Variants in PGM5 observed in about 807,000 individuals in gnomAD.
The protein encoded by PGM5 is phosphoglucomutase 5.
In PGM5, 23 loss-of-function variants were observed where a neutral mutation model predicts 59.2. The observed-to-expected ratio is 0.39, with a 90% confidence interval of 0.28 to 0.55. The LOEUF is 0.55. Among genes scored for constraint, PGM5 ranks in the 20% least tolerant of loss-of-function variants. The pLI is 0.66. For synonymous variants in PGM5, 214 were observed against 286.0 expected (o/e 0.75, Z 2.54); for missense variants, 574 against 748.3 (o/e 0.77, Z 2.72).
chr9:68,516,852 G>GT (rs935134128), intron 10 of PGM5, among the ~76,000 whole-genome samples: 3 of 152,000 alleles, frequency 2.0e-5, no homozygotes, highest in African/African-American at 7.2e-5. Flanking sequence ...ATATAGTTCT[G>GT]TTTTTTTGTT....
At chr9:68,389,133 A>G (rs570313430) in intron 4 of PGM5, among the ~76,000 whole-genome samples, 133 of 151,904 alleles carry the variant, frequency 8.8e-4, no homozygotes, top group African/African-American at 3.0e-3. Context: ...TAGTTCTACC[A>G]TTATATTTTT....
chr9:68,402,435 C>T (rs1460961581), intron 6 of PGM5: 1 of 152,170 alleles, frequency 6.6e-6, no homozygotes, highest in African/African-American at 2.4e-5. Context: ...ACTCTAGTTC[C>T]CAGCATAGAG....
chr9:68,445,164 T>C lies in PGM5; in HGVS notation c.1044-19929T>C, dbSNP rs144448044. 2.0e-3 allele frequency among the ~76,000 whole-genome samples: 306 copies of C among 152,254 alleles called. 1 individual carries two copies. Among genetic ancestry groups the C allele is most frequent in the African/African-American group, 7.1e-3 (296 of 41,526 alleles). On this transcript the variant is annotated intron_variant, in intron 6 of 10. Coordinates refer to ENST00000396396, the MANE Select transcript of PGM5 (RefSeq NM_021965.4). ...TTTTTTAATGCTTATAGCAGTGGTCTTCAAATGTTAGAGTGCGTAAGAATC... is the reference window on the plus strand; with the variant it reads ...TTTTTTAATGCTTATAGCAGTGGTCCTCAAATGTTAGAGTGCGTAAGAATC...
chr9:68,397,113 C>G (rs1286069589), intron 6 of PGM5: 1 of 152,686 alleles, frequency 6.5e-6, no homozygotes, highest in Non-Finnish European at 1.5e-5. Context: ...AAATGGCATT[C>G]TTTTGGGGCT....
intron 10 of PGM5, among the ~76,000 whole-genome samples, chr9:68,526,435 A>T (rs528878397): frequency 2.6e-4 from 39 of 152,362 alleles, no homozygotes; most frequent in African/African-American, 9.1e-4. Flanking sequence ...AAGAAGGGAC[A>T]AGTGCTTGGT....
At chr9:68,415,030 A>G (rs1462674798) in intron 6 of PGM5, among the ~76,000 whole-genome samples, 2 of 148,736 alleles carry the variant, frequency 1.3e-5, no homozygotes, top group African/African-American at 5.2e-5. Flanking sequence ...TAGCCAGGGG[A>G]CTGGGGAAAA....
rs782027882 is a variant in PGM5, at chr9:68,387,554, C to A, written c.663C>A (p.Ser221Arg). Residue 221 changes from serine (S) to arginine (R), a missense_variant, in exon 4 of 11, where the codon AGC (serine) becomes AGA (arginine). Ser to Arg is a moderately radical substitution (Grantham distance 110). Transcript: ENST00000396396. ...TCAAGGGTTTGCTGACTGGACCCAG[C>A]CAACTGAAGATTCGCATTGACGCAA... ...HAIKGLLTGP[S>R]QLKIRIDAMH... 6.2e-7 allele frequency: 1 copy of A among 1,612,148 alleles called. No individual in the cohort carries two copies. Among genetic ancestry groups the A allele is most frequent in the Non-Finnish European group, 8.5e-7 (1 of 1,178,600 alleles).
At chr9:68,424,468 T>A (rs1823200244) in intron 6 of PGM5, among the ~76,000 whole-genome samples, 1 of 152,134 alleles carries the variant, frequency 6.6e-6, no homozygotes, top group Admixed American at 6.5e-5. Context: ...TCTAATCTCA[T>A]TCACAAGGGA....
chr9:68,525,449 GC>G lies in PGM5; in HGVS notation c.1615-4114del, dbSNP rs535700656. Among the ~76,000 whole-genome samples the G allele has an allele frequency of 1.6e-3, 247 of 152,274 alleles. 3 individuals are homozygous for G. Among genetic ancestry groups the G allele is most frequent in the African/African-American group, 5.5e-3 (227 of 41,540 alleles). On this transcript the variant is annotated intron_variant, in intron 10 of 10. Transcript: ENST00000396396. ...ACAACAGACCACATATTCCATGGTG[GC>G]CCCATAGGATTGGAATGGAGCATGT...
chr9:68,461,731 G>A (rs1462154924), intron 6 of PGM5, among the ~76,000 whole-genome samples: 10 of 151,892 alleles, frequency 6.6e-5, no homozygotes, highest in African/African-American at 2.4e-4. Flanking sequence ...CTCTAGAACT[G>A]TGGGAAATAA....
At chr9:68,362,185 C>T (rs1401445005) in intron 1 of PGM5, among the ~76,000 whole-genome samples, 1 of 150,534 alleles carries the variant, frequency 6.6e-6, no homozygotes. Flanking sequence ...ATTTGGCTAC[C>T]CTGAAACATA....
intron 1 of PGM5, among the ~76,000 whole-genome samples, chr9:68,360,061 T>C (rs1834548827): frequency 6.6e-6 from 1 of 152,072 alleles, no homozygotes; most frequent in Admixed American, 6.5e-5. Flanking sequence ...CCCAGTCTAG[T>C]CTCAAACTCC....
intron 6 of PGM5, among the ~76,000 whole-genome samples, chr9:68,416,220 T>A (rs1392115196): frequency 6.6e-6 from 1 of 152,104 alleles, no homozygotes; most frequent in Non-Finnish European, 1.5e-5. Context: ...AAATACTAGG[T>A]GAAGTGCTTT....
chr9:68,456,734 C>G (rs1823785980), intron 6 of PGM5, among the ~76,000 whole-genome samples: 1 of 151,236 alleles, frequency 6.6e-6, no homozygotes, highest in African/African-American at 2.4e-5. Flanking sequence ...AAGTGATTCT[C>G]CTGCCTCAAC....
At chr9:68,456,927 C>CT (rs1233807253) in intron 6 of PGM5, among the ~76,000 whole-genome samples, 9 of 152,010 alleles carry the variant, frequency 5.9e-5, no homozygotes, top group African/African-American at 2.2e-4. Context: ...TGCCCAGCCT[C>CT]TTTTTTTCTT....
intron 7 of PGM5, 74 bp from the exon 8 acceptor site, chr9:68,479,344 G>A: frequency 7.3e-7 from 1 of 1,373,052 alleles, no homozygotes; most frequent in African/African-American, 1.5e-5. Context: ...TCACTAACTG[G>A]TCTTCTTAAT....
chr9:68,436,403 TAC>T (rs1389155326), intron 6 of PGM5, among the ~76,000 whole-genome samples: 1 of 152,142 alleles, frequency 6.6e-6, no homozygotes, highest in African/African-American at 2.4e-5. Flanking sequence ...GTGGAAGTTA[TAC>T]ACAACCAGAA....
intron 1 of PGM5, among the ~76,000 whole-genome samples, chr9:68,376,843 C>CT (rs1554677793): frequency 5.4e-5 from 7 of 129,396 alleles, no homozygotes; most frequent in African/African-American, 2.0e-4. Flanking sequence ...CTCTTTCTTT[C>CT]TTTCTTTCTC....
intron 1 of PGM5, among the ~76,000 whole-genome samples, chr9:68,361,614 G>C (rs1362902129): frequency 6.6e-6 from 1 of 152,206 alleles, no homozygotes; most frequent in African/African-American, 2.4e-5. Flanking sequence ...TTCTTGCTGG[G>C]CCCTCACATA....
Sources: allele counts gnomAD v4.1 joint callset (sites outside exome capture counted in the v4.1 genomes callset), GRCh38; gene constraint gnomAD v4.1.1; transcripts MANE v1.5; gene names NCBI Gene and HGNC (gene_info 2026-07-23, HGNC 2026-07-21).